PLXNA4: variants seen among roughly 807,000 people sequenced by gnomAD.
PLXNA4 encodes plexin-A4.
In PLXNA4, 44 loss-of-function variants were observed where a neutral mutation model predicts 191.8. The observed-to-expected ratio is 0.23, with a 90% confidence interval of 0.18 to 0.29. PLXNA4 has a LOEUF of 0.29. Ranked by LOEUF, PLXNA4 falls within the 10% of genes least tolerant of loss-of-function variation. The pLI, the probability that PLXNA4 is intolerant of heterozygous loss-of-function variation, is 1.00. For missense variants in PLXNA4, 1,800 were observed against 2,488.8 expected (o/e 0.72, Z 5.89); for synonymous variants, 1,082 against 1,009.5 (o/e 1.07, Z -1.36).
chr7:132,455,758 G>A (rs1204690996), intron 3 of PLXNA4, among the ~76,000 whole-genome samples: 1 of 152,128 alleles, frequency 6.6e-6, no homozygotes, highest in Non-Finnish European at 1.5e-5. Flanking sequence ...GGAGGGGTGG[G>A]GGAGTGGGGC....
At position 132,146,659 on chromosome 7, in the gene PLXNA4, A is replaced by G; in HGVS notation, c.4906T>C (p.Ser1636Pro). The G allele has an allele frequency of 1.2e-6, 2 of 1,614,186 alleles. No homozygotes were observed. The highest frequency in any genetic ancestry group is 1.7e-6 in the Non-Finnish European group (2 of 1,180,030). ...TCAGGAGTGATCATAGGTGTCCGTG[A>G]GCGGAGGCTGTCGGGGCTGCCCGTG... ...RYTGSPDSLRSRTPMITPDLE... is the reference protein window; with the variant it reads ...RYTGSPDSLRPRTPMITPDLE... Residue 1636 changes from serine to proline, a missense_variant, in exon 28 of 32, where the codon TCA becomes CCA. This residue lies in a region of PLXNA4 where 214 missense variants were observed against 298.2 expected (regional missense o/e 0.72). Transcript: ENST00000321063.
At chr7:132,330,846 C>G (rs1482493488) in intron 3 of PLXNA4, among the ~76,000 whole-genome samples, 1 of 152,190 alleles carries the variant, frequency 6.6e-6, no homozygotes, top group Non-Finnish European at 1.5e-5. Flanking sequence ...CAACATCTGT[C>G]ATAAGGGGTT....
At chr7:132,637,833 C>T (rs1429279843) in intron 2 of PLXNA4, among the ~76,000 whole-genome samples, 1 of 152,236 alleles carries the variant, frequency 6.6e-6, no homozygotes, top group Non-Finnish European at 1.5e-5. Flanking sequence ...TTCCCTCCTC[C>T]ACTCCCTGCC....
At chr7:132,318,107 G>A (rs1225142677) in intron 3 of PLXNA4, among the ~76,000 whole-genome samples, 1 of 152,202 alleles carries the variant, frequency 6.6e-6, no homozygotes. Flanking sequence ...GGCAATCTCA[G>A]CAGTTCATCC....
At position 132,508,460 on chromosome 7, in the gene PLXNA4, C is replaced by G. The variant is rs544081833; in HGVS notation, c.234G>C (p.Leu78=). 1.2e-6 allele frequency: 2 copies of G among 1,614,216 alleles called. No homozygotes were observed. The highest frequency in any genetic ancestry group is 1.1e-5 in the South Asian group (1 of 91,084). The change falls in exon 2 of 32, where the codon CTG becomes CTC. Residue 78 remains leucine, a synonymous_variant. Coordinates refer to ENST00000321063, the MANE Select transcript of PLXNA4 (RefSeq NM_020911.2). This position sits in a 1 kb window ranked among gnomAD's most constrained non-coding sequence, Gnocchi z 4.4. ...CTGTCTCATGCGTCACCAAGACCTT[C>G]AGGTCGCTGGAGAGCTTGTAAATCC... ...VNRIYKLSSD[L]KVLVTHETGP...
In PLXNA4 at chr7:132,606,150, C is replaced by T. The variant is rs375423454; in HGVS notation, c.-87+39778G>A. ...TTGCACTCCAGCCTAGGCGACACAGCAAGACTCTGTCTCAAATAAAAGAAA... is the reference window on the plus strand; with the variant it reads ...TTGCACTCCAGCCTAGGCGACACAGTAAGACTCTGTCTCAAATAAAAGAAA... On this transcript the variant is annotated intron_variant, in intron 2 of 4. Transcript: ENST00000378539. Among the ~76,000 whole-genome samples the T allele has an allele frequency of 1.1e-4, 17 of 152,274 alleles. No homozygotes were observed. In the East Asian group the frequency reaches 1.4e-3, roughly 12 times the overall value.
chr7:132,559,962 A>G (rs1563171584), intron 1 of PLXNA4, among the ~76,000 whole-genome samples: 1 of 152,182 alleles, frequency 6.6e-6, no homozygotes, highest in South Asian at 2.1e-4. Flanking sequence ...GGGCTGCCCC[A>G]CCTAAAGGCA....
chr7:132,641,445 G>T (rs921703686), intron 2 of PLXNA4, among the ~76,000 whole-genome samples: 1 of 152,128 alleles, frequency 6.6e-6, no homozygotes, highest in Admixed American at 6.5e-5. Flanking sequence ...CACCAGTCAT[G>T]TTGGATGAGG....
At chr7:132,228,886 T>C (rs1026194) in intron 5 of PLXNA4, among the ~76,000 whole-genome samples, 108,075 of 152,048 alleles carry the variant, frequency 0.71, 39,312 homozygotes, top group African/African-American at 0.88. Flanking sequence ...CTGGACTTCC[T>C]TTTCCTCACT....
At chr7:132,160,786 G>A (rs560157020) in intron 24 of PLXNA4, among the ~76,000 whole-genome samples, 14 of 152,266 alleles carry the variant, frequency 9.2e-5, no homozygotes, top group Middle Eastern at 3.4e-3. Context: ...GAGCCAGACA[G>A]CAGTCTCTCT....
chr7:132,353,995 C>A (rs1361463207), intron 3 of PLXNA4, among the ~76,000 whole-genome samples: 1 of 152,168 alleles, frequency 6.6e-6, no homozygotes, highest in Non-Finnish European at 1.5e-5. Context: ...TCCCGTCCAA[C>A]CCCCAACACA....
chr7:132,375,191 G>A (rs1290246596), intron 3 of PLXNA4, among the ~76,000 whole-genome samples: 1 of 152,218 alleles, frequency 6.6e-6, no homozygotes, highest in African/African-American at 2.4e-5. Context: ...GAAACCTGGT[G>A]GGGCAGAGAC....
intron 1 of PLXNA4, among the ~76,000 whole-genome samples, chr7:132,535,879 C>G (rs568838509): frequency 1.1e-4 from 17 of 152,196 alleles, no homozygotes; most frequent in Non-Finnish European, 2.5e-4. Flanking sequence ...ATCCCCACCA[C>G]AACCCTACAA....
At chr7:132,428,942 G>A (rs277474) in intron 3 of PLXNA4, among the ~76,000 whole-genome samples, 20,324 of 152,100 alleles carry the variant, frequency 0.13, 2,608 homozygotes, top group African/African-American at 0.32. Flanking sequence ...GAAAGCTTTC[G>A]GGGTGCAAGG....
At chr7:132,304,708 T>C (rs1801440855) in intron 3 of PLXNA4, among the ~76,000 whole-genome samples, 1 of 147,782 alleles carries the variant, frequency 6.8e-6, no homozygotes, top group African/African-American at 2.6e-5. Context: ...CCAAGTGACC[T>C]TGCTAATAAT....
At chr7:132,180,849 A>T (rs1796680715) in intron 18 of PLXNA4, 117 bp from the exon 19 acceptor site, 1 of 1,470,484 alleles carries the variant, frequency 6.8e-7, no homozygotes, top group African/African-American at 1.4e-5. Flanking sequence ...TGAAGAAGCC[A>T]CCTTTGGTAA....
chr7:132,395,175 G>A (rs996114647), intron 3 of PLXNA4, among the ~76,000 whole-genome samples: 7 of 152,252 alleles, frequency 4.6e-5, no homozygotes, highest in African/African-American at 1.7e-4. Flanking sequence ...GCATTCAGGT[G>A]TAGGTCTGGA....
At chr7:132,500,735 A>T (rs984408342) in intron 2 of PLXNA4, among the ~76,000 whole-genome samples, 4 of 152,204 alleles carry the variant, frequency 2.6e-5, no homozygotes, top group Non-Finnish European at 5.9e-5. Context: ...CTATGAATAT[A>T]AGGGGCTGTG....
At chr7:132,427,255 G>A (rs1041711415) in intron 3 of PLXNA4, among the ~76,000 whole-genome samples, 7 of 152,218 alleles carry the variant, frequency 4.6e-5, no homozygotes, top group African/African-American at 1.2e-4. Flanking sequence ...CGCACTGGAC[G>A]TCTGAGCTCC....
Sources: allele counts gnomAD v4.1 joint callset (sites outside exome capture counted in the v4.1 genomes callset), GRCh38; gene constraint gnomAD v4.1.1; regional missense constraint gnomAD v4.1.1; non-coding constraint Gnocchi (gnomAD v3.1); transcripts MANE v1.5; gene names NCBI Gene and HGNC (gene_info 2026-07-23, HGNC 2026-07-21).